Variants in CDH12 observed in about 807,000 individuals in gnomAD.
The protein encoded by CDH12 is cadherin-12.
In CDH12, 41 loss-of-function variants were observed where a neutral mutation model predicts 74.1. The ratio of observed to expected loss-of-function variants is 0.55; its 90% CI spans 0.43 to 0.72. The LOEUF is 0.72. Among genes scored for constraint, CDH12 ranks in the 30% least tolerant of loss-of-function variants. CDH12 has a pLI of 0.00. For synonymous variants in CDH12, 399 were observed against 355.0 expected (o/e 1.12, Z -1.39); for missense variants, 945 against 977.2 (o/e 0.97, Z 0.44).
At chr5:21,977,235 T>C (rs1017406998) in intron 5 of CDH12, among the ~76,000 whole-genome samples, 1 of 152,132 alleles carries the variant, frequency 6.6e-6, no homozygotes, top group Non-Finnish European at 1.5e-5. Context: ...AAAATTGTTA[T>C]GAATGATAGG....
intron 1 of CDH12, among the ~76,000 whole-genome samples, chr5:22,833,406 T>TCC (rs1736702048): frequency 6.6e-6 from 1 of 152,120 alleles, no homozygotes; most frequent in Non-Finnish European, 1.5e-5. Context: ...ACCAAGAAGG[T>TCC]TTAAAATGCA....
At chr5:22,139,839 T>C (rs1387082336) in intron 4 of CDH12, among the ~76,000 whole-genome samples, 1 of 152,154 alleles carries the variant, frequency 6.6e-6, no homozygotes, top group Non-Finnish European at 1.5e-5. Context: ...GAGCCATCAG[T>C]TGAAAGCCTG....
At chr5:22,461,420 C>T (rs1463512417) in intron 2 of CDH12, among the ~76,000 whole-genome samples, 4 of 149,118 alleles carry the variant, frequency 2.7e-5, no homozygotes, top group African/African-American at 9.9e-5. Flanking sequence ...AAAAAATGAA[C>T]ATGTATTCAA....
At chr5:22,598,155 T>C (rs1353826824) in intron 1 of CDH12, among the ~76,000 whole-genome samples, 1 of 152,186 alleles carries the variant, frequency 6.6e-6, no homozygotes, top group Non-Finnish European at 1.5e-5. Flanking sequence ...TCCATTTCCA[T>C]TTCAACTTTA....
chr5:22,030,356 T>C (rs1279631159), intron 5 of CDH12, among the ~76,000 whole-genome samples: 1 of 152,140 alleles, frequency 6.6e-6, no homozygotes, highest in Non-Finnish European at 1.5e-5. Flanking sequence ...GCAGAATGAA[T>C]GTTGTATTAG....
intron 1 of CDH12, among the ~76,000 whole-genome samples, chr5:22,568,836 A>T (rs1451704709): frequency 6.6e-6 from 1 of 152,154 alleles, no homozygotes; most frequent in African/African-American, 2.4e-5. Context: ...GACTAAAAAA[A>T]TGCACATACC....
At chr5:21,890,456 A>G (rs1165989128) in intron 6 of CDH12, among the ~76,000 whole-genome samples, 1 of 152,164 alleles carries the variant, frequency 6.6e-6, no homozygotes, top group East Asian at 1.9e-4. Flanking sequence ...AAGAGTGAAA[A>G]GAACTATACA....
chr5:21,897,808 T>C (rs1304482228), intron 6 of CDH12, among the ~76,000 whole-genome samples: 1 of 152,222 alleles, frequency 6.6e-6, no homozygotes, highest in Admixed American at 6.5e-5. Flanking sequence ...ACTTCTTCCA[T>C]GTATTACAAT....
chr5:22,429,545 C>T (rs1314071521), intron 2 of CDH12, among the ~76,000 whole-genome samples: 2 of 152,044 alleles, frequency 1.3e-5, no homozygotes, highest in African/African-American at 2.4e-5. Context: ...TTCTATGACC[C>T]TTCTTGTTTC....
chr5:21,940,795 C>T (rs1346033923), intron 6 of CDH12, among the ~76,000 whole-genome samples: 3 of 151,976 alleles, frequency 2.0e-5, no homozygotes, highest in Non-Finnish European at 4.4e-5. Context: ...GAAAGTCTTA[C>T]GTGTACATTT....
chr5:22,707,156 CACA>C (rs1743052127), intron 1 of CDH12, among the ~76,000 whole-genome samples: 1 of 152,282 alleles, frequency 6.6e-6, no homozygotes, highest in East Asian at 1.9e-4. Context: ...TTCAAGAAGA[CACA>C]ACATTAAGCC....
chr5:22,309,896 A>G (rs900031766), intron 3 of CDH12, among the ~76,000 whole-genome samples: 2 of 151,138 alleles, frequency 1.3e-5, no homozygotes, highest in African/African-American at 4.9e-5. Flanking sequence ...ATTGTATCTT[A>G]AATCCTCTGG....
intron 4 of CDH12, among the ~76,000 whole-genome samples, chr5:22,095,049 C>G (rs185181630): frequency 6.6e-6 from 1 of 152,186 alleles, no homozygotes; most frequent in African/African-American, 2.4e-5. Flanking sequence ...TCTCTTCACA[C>G]GGACATACAT....
chr5:22,144,510 T>C (rs1212302830), intron 4 of CDH12, among the ~76,000 whole-genome samples: 3 of 152,178 alleles, frequency 2.0e-5, no homozygotes, highest in Admixed American at 6.5e-5. Context: ...TCCTGGTCAA[T>C]GCCTCACAGT....
At chr5:22,157,816 T>C (rs1748116850) in intron 4 of CDH12, among the ~76,000 whole-genome samples, 1 of 152,130 alleles carries the variant, frequency 6.6e-6, no homozygotes, top group Non-Finnish European at 1.5e-5. Context: ...TTTAATATGC[T>C]AATTTAAATC....
chr5:22,678,639 A>G (rs1741335045), intron 1 of CDH12, among the ~76,000 whole-genome samples: 1 of 152,172 alleles, frequency 6.6e-6, no homozygotes, highest in South Asian at 2.1e-4. Flanking sequence ...AATAGAAGGC[A>G]GTAATCTAAA....
At chr5:22,151,824 A>G (rs1747602239) in intron 4 of CDH12, 2 of 152,196 alleles carry the variant, frequency 1.3e-5, no homozygotes, top group Admixed American at 1.3e-4. Context: ...TTACTCACAT[A>G]AAAAGACTAA....
At chr5:22,417,474 C>T (rs764297147) in intron 2 of CDH12, among the ~76,000 whole-genome samples, 6 of 152,168 alleles carry the variant, frequency 3.9e-5, no homozygotes, top group Non-Finnish European at 7.3e-5. Context: ...TTCACATTTC[C>T]GCCTTTCACT....
At position 21,945,897 on chromosome 5, in the gene CDH12, A is replaced by AT. The variant is rs1755557448; in HGVS notation, c.526+29193dup. ...AAAATAATGACTTCAACCTTCCCAA[A>AT]TTGGATGGAAGACATAAACCTAAAT... On this transcript the variant is annotated intron_variant, in intron 6 of 14. Transcript: ENST00000382254. Among the ~76,000 whole-genome samples, 4 of 152,160 alleles carry AT rather than the reference A, an allele frequency of 2.6e-5. No individual in the cohort carries two copies. In the South Asian group the frequency reaches 8.3e-4, roughly 31 times the overall value.
Sources: gnomAD v4.1 joint callset for allele counts (sites outside exome capture counted in the v4.1 genomes callset) on GRCh38, gnomAD v4.1.1 for gene constraint, MANE v1.5 for transcripts, NCBI Gene and HGNC (gene_info 2026-07-23, HGNC 2026-07-21) for gene names.